Variants in GCNT3 observed in about 807,000 individuals in gnomAD.
GCNT3 encodes the protein glucosaminyl (N-acetyl) transferase 3, mucin type.
For synonymous variants in GCNT3, 269 were observed against 195.2 expected, an observed-to-expected ratio of 1.38 and a Z score of -3.15; for missense variants, 708 against 530.3, an observed-to-expected ratio of 1.34 and a Z score of -3.29.
rs770269088 is a variant in GCNT3 at position 59,619,566 on chromosome 15, G to T, written c.*11G>T. The T allele has an allele frequency of 6.7e-7, 1 of 1,498,222 alleles. No individual in the cohort carries two copies. The highest frequency in any genetic ancestry group is 9.2e-7 in the Non-Finnish European group (1 of 1,087,184). 92.8% of individuals were successfully genotyped at this position (1,498,222 alleles called of 1,614,324 possible). A position where few individuals can be genotyped will look rare whatever the true frequency, so the allele number is the denominator to read the frequency against. On this transcript the variant is annotated 3_prime_UTR_variant, in exon 3 of 3. Coordinates refer to ENST00000396065, the MANE Select transcript of GCNT3 (RefSeq NM_004751.3). ...GGGACTGAACTTTGAGACACACTAT[G>T]AGAGCGTTGCTACCTGTGGGGCAAG...
chr15:59,619,166 T>C lies in GCNT3; in HGVS notation c.928T>C (p.Leu310=). Residue 310 remains leucine (L), a synonymous_variant, in exon 3 of 3, where the codon TTG becomes CTG. Coordinates refer to ENST00000396065, the MANE Select transcript of GCNT3 (RefSeq NM_004751.3). ...TTCCCGAGATTTCGTCCAACATGTTTTGAAGAACCCTAAATCCCAACAACT... is the reference window on the plus strand; with the variant it reads ...TTCCCGAGATTTCGTCCAACATGTTCTGAAGAACCCTAAATCCCAACAACT... The part of the protein sequence containing the change: ...VASRDFVQHV[L]KNPKSQQLIE... The C allele has an allele frequency of 6.2e-7, 1 of 1,614,104 alleles. No individual in the cohort carries two copies. The highest frequency in any genetic ancestry group is 8.5e-7 in the Non-Finnish European group (1 of 1,180,010).
Position 59,619,357 on chromosome 15 carries a change from C to T in GCNT3, c.1119C>T (p.Ile373=), listed in dbSNP as rs144836310. 1.2e-4 allele frequency: 191 copies of T among 1,614,054 alleles called. 1 individual carries two copies. In the African/African-American group the frequency reaches 2.2e-3, roughly 18 times the overall value. ...AGTGGCAGGGTCATGAGGGAGACAT[C>T]GATAAGGGTGCTCCTTATGCTCCCT... ...LVKWQGHEGD[I]DKGAPYAPCS... Residue 373 remains isoleucine, a synonymous_variant, in exon 3 of 3, where the codon ATC becomes ATT. Coordinates refer to ENST00000396065, the MANE Select transcript of GCNT3 (RefSeq NM_004751.3).
Position 59,619,135 on chromosome 15 carries a change from T to C in GCNT3, c.897T>C (p.Ile299=), listed in dbSNP as rs751985474. 6.2e-7 allele frequency: 1 copy of C among 1,614,124 alleles called. No individual in the cohort carries two copies. The highest frequency in any genetic ancestry group is 1.7e-5 in the Admixed American group (1 of 60,022). The change falls in exon 3 of 3, where the codon ATT becomes ATC. Residue 299 remains isoleucine (I), a synonymous_variant. Transcript: ENST00000396065. ...CTATGTTTACAGGGAATGCGTACATTGTGGCTTCCCGAGATTTCGTCCAAC... is the reference window on the plus strand; with the variant it reads ...CTATGTTTACAGGGAATGCGTACATCGTGGCTTCCCGAGATTTCGTCCAAC... ...NLTMFTGNAY[I]VASRDFVQHV...
In GCNT3 at chr15:59,619,093, TC is replaced by T. The variant is rs745802552; in HGVS notation, c.860del (p.Pro287LeufsTer4). 6.2e-7 allele frequency: 1 copy of T among 1,612,246 alleles called. No individual in the cohort carries two copies. Among genetic ancestry groups the T allele is most frequent in the Admixed American group, 1.7e-5 (1 of 60,004 alleles). On this transcript the variant is annotated frameshift_variant, in exon 3 of 3. Transcript: ENST00000396065. LOFTEE classifies it low-confidence loss of function (END_TRUNC). ...LHLTNKKKDPPPYNLTMFTGN... is the reference protein window; with the variant it reads ...LHLTNKKKDPXPYNLTMFTGN... ...ACCTAACCAACAAGAAGAAGGATCC[TC>T]CCCCTTATAATTTAACTATGTTTAC...
Position 59,618,504 on chromosome 15 carries a change from T to C in GCNT3, c.266T>C (p.Leu89Pro). 6.2e-7 allele frequency: 1 copy of C among 1,614,158 alleles called. No homozygotes were observed. Among genetic ancestry groups the C allele is most frequent in the Non-Finnish European group, 8.5e-7 (1 of 1,180,010 alleles). The change falls in exon 3 of 3, where the codon CTG becomes CCG. Residue 89 changes from leucine to proline, a missense_variant. Physicochemically the swap from Leu to Pro is moderately conservative, Grantham distance 98 (BLOSUM62 -3). Transcript: ENST00000396065. ...GTGCTTCAGGCTATTCTGAATAACC[T>C]GGAGGTCAAGAAGAAGCGAGAGCCT... is the stretch of plus-strand genomic sequence containing the variant. ...EAVLQAILNN[L>P]EVKKKREPFT...
chr15:59,614,780 G>A (rs1335001677), intron 1 of GCNT3, among the ~76,000 whole-genome samples: 1 of 152,114 alleles, frequency 6.6e-6, no homozygotes, highest in Non-Finnish European at 1.5e-5. Context: ...TTAACCATCT[G>A]CTAATGCAGC....
intron 2 of GCNT3, among the ~76,000 whole-genome samples, chr15:59,617,234 G>A (rs1333846941): frequency 1.4e-5 from 2 of 144,766 alleles, no homozygotes; most frequent in African/African-American, 5.1e-5. Context: ...AATTTGTTTG[G>A]GAGTCCAAAC....
At chr15:59,614,777 T>G (rs117038254) in intron 1 of GCNT3, among the ~76,000 whole-genome samples, 1 of 152,198 alleles carries the variant, frequency 6.6e-6, no homozygotes, top group African/African-American at 2.4e-5. Context: ...GCCTTAACCA[T>G]CTGCTAATGC....
At chr15:59,612,683 G>A (rs1482332219) in intron 1 of GCNT3, among the ~76,000 whole-genome samples, 1 of 152,150 alleles carries the variant, frequency 6.6e-6, no homozygotes, top group Non-Finnish European at 1.5e-5. Context: ...TTCAGGGCTA[G>A]CATGGAATTA....
At position 59,618,744 on chromosome 15, in the gene GCNT3, C is replaced by T. The variant is rs1200020903; in HGVS notation, c.506C>T (p.Pro169Leu). Reference protein sequence around the residue: ...IYCVHVDEKSPETFKEAVKAI... With the variant: ...IYCVHVDEKSLETFKEAVKAI... Reference sequence around the variant, plus strand: ...TGTGTCCATGTGGATGAGAAGTCCCCAGAAACTTTCAAAGAGGCGGTCAAA... The same window carrying T: ...TGTGTCCATGTGGATGAGAAGTCCCTAGAAACTTTCAAAGAGGCGGTCAAA... The change falls in exon 3 of 3, where the codon CCA (proline) becomes CTA (leucine). Residue 169 changes from proline to leucine, a missense_variant. Physicochemically the swap from Pro to Leu is moderately conservative, Grantham distance 98. Coordinates refer to ENST00000396065, the MANE Select transcript of GCNT3 (RefSeq NM_004751.3). The T allele has an allele frequency of 1.2e-6, 2 of 1,614,152 alleles. No homozygotes were observed. The highest frequency in any genetic ancestry group is 2.2e-5 in the South Asian group (2 of 91,080).
At chr15:59,615,164 TGGA>T (rs1288228890) in intron 1 of GCNT3, 15 of 152,284 alleles carry the variant, frequency 9.9e-5, no homozygotes, top group Admixed American at 8.5e-4. Context: ...GACAGCCGGC[TGGA>T]GGAGGGACTT....
Position 59,619,009 on chromosome 15 carries a change from T to C in GCNT3, c.771T>C (p.Pro257=). The change falls in exon 3 of 3, where the codon CCT becomes CCC. Residue 257 remains proline (P), a synonymous_variant. Coordinates refer to ENST00000396065, the MANE Select transcript of GCNT3 (RefSeq NM_004751.3). ...NGRNSMESEV[P]PKHKETRWKY... is the part of the protein sequence containing the mutation. ...GGAATAGCATGGAGTCAGAGGTACCTCCTAAGCACAAAGAAACCCGCTGGA... is the reference window on the plus strand; with the variant it reads ...GGAATAGCATGGAGTCAGAGGTACCCCCTAAGCACAAAGAAACCCGCTGGA... 4.3e-6 allele frequency: 7 copies of C among 1,614,106 alleles called. No individual in the cohort carries two copies. The highest frequency in any genetic ancestry group is 5.9e-6 in the Non-Finnish European group (7 of 1,180,012).
In GCNT3 at chr15:59,619,900, C is replaced by G. The variant is rs1218662714; in HGVS notation, c.*345C>G. On this transcript the variant is annotated 3_prime_UTR_variant, in exon 3 of 3. Coordinates refer to ENST00000396065, the MANE Select transcript of GCNT3 (RefSeq NM_004751.3). ...CTGGTAGCTTTTCCATTCTGTGGAG[C>G]TGCCGTTCCTAATAATTCCAGGTTT... is the stretch of plus-strand genomic sequence containing the variant. 4.9e-6 allele frequency: 1 copy of G among 205,042 alleles called. No homozygotes were observed. The highest frequency in any genetic ancestry group is 2.3e-5 in the African/African-American group (1 of 42,640). 12.7% of individuals were successfully genotyped at this position (205,042 alleles called of 1,614,324 possible). A position where few individuals can be genotyped will look rare whatever the true frequency, so the allele number is the denominator to read the frequency against.
intron 1 of GCNT3, among the ~76,000 whole-genome samples, chr15:59,614,291 C>T (rs1159885971): frequency 1.3e-5 from 2 of 152,114 alleles, no homozygotes; most frequent in African/African-American, 2.4e-5. Context: ...GCAGGGCCCA[C>T]GTAGGGGTGC....
At chr15:59,613,963 G>A (rs2082708257) in intron 1 of GCNT3, among the ~76,000 whole-genome samples, 1 of 152,108 alleles carries the variant, frequency 6.6e-6, no homozygotes, top group Non-Finnish European at 1.5e-5. Context: ...GCTGCAGTGA[G>A]CTATGATCTG....
intron 1 of GCNT3, 39 bp from the exon 2 acceptor site, chr15:59,616,653 G>A (rs2082720928): frequency 1.3e-5 from 2 of 152,212 alleles, no homozygotes; most frequent in Admixed American, 1.3e-4. Context: ...GAAGTCAAAA[G>A]GAGAGTGATG....
chr15:59,613,466 T>C (rs1258200095), intron 1 of GCNT3, among the ~76,000 whole-genome samples: 4 of 151,490 alleles, frequency 2.6e-5, no homozygotes, highest in African/African-American at 9.7e-5. Context: ...TTTGGGAGGC[T>C]GAGGCGGGGA....
intron 1 of GCNT3, among the ~76,000 whole-genome samples, chr15:59,612,650 C>T (rs777171415): frequency 2.0e-5 from 3 of 152,196 alleles, no homozygotes; most frequent in Non-Finnish European, 4.4e-5. Flanking sequence ...CTTTCTCCCT[C>T]TTGCCAAGTG....
In GCNT3 at chr15:59,621,511, C is replaced by G. The variant is rs1208609707; in HGVS notation, c.*1956C>G. On this transcript the variant is annotated 3_prime_UTR_variant, in exon 3 of 3. Transcript: ENST00000396065. ...ATGCCCTGGAAAGGTGATTTATATG[C>G]AAGTTAATTGGTGTAATCTGAAGGA... 1 of 149,810 alleles carries G rather than the reference C, an allele frequency of 6.7e-6. No individual in the cohort carries two copies. Among genetic ancestry groups the G allele is most frequent in the Non-Finnish European group, 1.5e-5 (1 of 67,634 alleles). The allele number at this position is 149,810 out of a possible 1,614,324, so 9.3% of individuals were successfully genotyped here. A position where few individuals can be genotyped will look rare whatever the true frequency, so the allele number is the denominator to read the frequency against.
Sources: gnomAD v4.1 joint callset for allele counts (sites outside exome capture counted in the v4.1 genomes callset) on GRCh38, gnomAD v4.1.1 for gene constraint, MANE v1.5 for transcripts, NCBI Gene and HGNC (gene_info 2026-07-23, HGNC 2026-07-21) for gene names.